The following MID1 variants were observed in gnomAD, a reference collection of about 807,000 sequenced individuals.
The protein encoded by MID1 is E3 ubiquitin-protein ligase Midline-1.
In MID1, 7 loss-of-function variants were observed where a neutral mutation model predicts 40.4. The ratio of observed to expected loss-of-function variants is 0.17; its 90% CI spans 0.10 to 0.33. The LOEUF (loss-of-function observed/expected upper bound fraction) is 0.33, where lower values mean the gene tolerates loss of function less well. Ranked by LOEUF, MID1 falls within the 10% of genes least tolerant of loss-of-function variation. The pLI is 1.00. For synonymous variants in MID1, 229 were observed against 221.2 expected, an observed-to-expected ratio of 1.04 and a Z score of -0.31; for missense variants, 367 against 558.5, an observed-to-expected ratio of 0.66 and a Z score of 3.46.
At chrX:10,533,332 GAAAGAAAGAAA>G (rs1933061349) in intron 2 of MID1, among the ~76,000 whole-genome samples, 1 of 43,717 alleles carries the variant, frequency 2.3e-5, no homozygotes, top group African/African-American at 9.2e-5. Context: ...AGAAAGGAAA[GAAAGAAAGAAA>G]GAAAGAAAGA....
chrX:10,485,687 C>T (rs1346046748), intron 4 of MID1, among the ~76,000 whole-genome samples: 2 of 111,735 alleles, frequency 1.8e-5, no homozygotes, highest in African/African-American at 6.5e-5. Context: ...GCTTGAAATG[C>T]GTTTTAAACA....
chrX:10,693,633 C>T (rs1351486124), intron 1 of MID1, among the ~76,000 whole-genome samples: 1 of 111,590 alleles, frequency 9.0e-6, no homozygotes, highest in Admixed American at 9.6e-5. Context: ...AGCTTGAGTA[C>T]ATCTATTTTT....
At chrX:10,661,503 G>A (rs750232907) in intron 1 of MID1, among the ~76,000 whole-genome samples, 3 of 109,397 alleles carry the variant, frequency 2.7e-5, no homozygotes, top group African/African-American at 1.0e-4. Context: ...TAGCAGAGAC[G>A]GGGTTTCCAC....
At chrX:10,675,696 G>A (rs185438934) in intron 1 of MID1, among the ~76,000 whole-genome samples, 1 of 111,421 alleles carries the variant, frequency 9.0e-6, no homozygotes, top group Admixed American at 9.6e-5. Flanking sequence ...TATAAATAAT[G>A]TATTCTATAT....
intron 2 of MID1, among the ~76,000 whole-genome samples, chrX:10,561,221 G>C (rs1212765594): frequency 1.9e-5 from 2 of 107,088 alleles, no homozygotes; most frequent in Non-Finnish European, 3.8e-5. Flanking sequence ...ATTAACTCAC[G>C]ATGGATTAAA....
chrX:10,631,108 CTTAAT>C (rs1339908523), intron 1 of MID1, among the ~76,000 whole-genome samples: 1 of 111,437 alleles, frequency 9.0e-6, no homozygotes, highest in Non-Finnish European at 1.9e-5. Context: ...AACATAAATA[CTTAAT>C]TTATTATTCC....
chrX:10,460,660 T>A (rs908732607), intron 7 of MID1, among the ~76,000 whole-genome samples: 4 of 110,601 alleles, frequency 3.6e-5, no homozygotes, highest in Non-Finnish European at 7.6e-5. Context: ...CCTTCACTGA[T>A]CCCTGGGAGA....
chrX:10,507,621 C>T (rs1343345417), intron 3 of MID1, among the ~76,000 whole-genome samples: 1 of 112,615 alleles, frequency 8.9e-6, no homozygotes. Flanking sequence ...TCTGCATGGG[C>T]ACCCACTCTT....
At chrX:10,777,155 G>C (rs2043808196) in intron 1 of MID1, among the ~76,000 whole-genome samples, 1 of 112,277 alleles carries the variant, frequency 8.9e-6, no homozygotes, top group African/African-American at 3.2e-5. Context: ...GTTTCACTGA[G>C]GAAAAATCTG....
chrX:10,595,242 C>A lies in MID1; in HGVS notation c.-57+25048G>T, dbSNP rs538241403. On this transcript the variant is annotated intron_variant, in intron 1 of 9. Transcript: ENST00000317552. ...TGAAATTACTATGTCGAAGACACAC[C>A]CGCATATTCATGTTTATTGCAGCAC... Among the ~76,000 whole-genome samples, 5 of 111,640 alleles carry A rather than the reference C, an allele frequency of 4.5e-5. No homozygotes were observed. In the East Asian group the frequency reaches 8.3e-4, roughly 19 times the overall value.
chrX:10,619,205 AG>A (rs1935891500), intron 1 of MID1, among the ~76,000 whole-genome samples: 1 of 112,323 alleles, frequency 8.9e-6, no homozygotes, highest in African/African-American at 3.2e-5. Flanking sequence ...GGAAAGGGAC[AG>A]AAAGTTCGAA....
rs202070504 is a variant in MID1 at position 10,545,983 on chromosome X, C to CT, written c.660+20904dup. On this transcript the variant is annotated intron_variant, in intron 2 of 9. Transcript: ENST00000317552. ...CAAGACATAGTTTAGATTTTCACTG[C>CT]TTTTTTTTTTAGGATATTGCCAATG... Among the ~76,000 whole-genome samples, 25 of 105,490 alleles carry CT rather than the reference C, an allele frequency of 2.4e-4. No homozygotes were observed. In the South Asian group the frequency reaches 2.9e-3, roughly 12 times the overall value. 91.6% of individuals were successfully genotyped at this position (105,490 alleles called of 115,157 possible). A position where few individuals can be genotyped will look rare whatever the true frequency, so the allele number is the denominator to read the frequency against.
chrX:10,583,335 T>A lies in MID1; in HGVS notation c.-56-15732A>T, dbSNP rs1235878562. Among the ~76,000 whole-genome samples, 3 of 112,539 alleles carry A rather than the reference T, an allele frequency of 2.7e-5. No individual in the cohort carries two copies. In the Admixed American group the frequency reaches 2.8e-4, roughly 11 times the overall value. On this transcript the variant is annotated intron_variant, in intron 1 of 9. Transcript: ENST00000317552. ...ATGGGTGGTGCAAATCTATGTTAGC[T>A]AAGGGGATATTACTACTCATATTTG...
chrX:10,770,049 A>T (rs1238126637), intron 1 of MID1, among the ~76,000 whole-genome samples: 1 of 111,691 alleles, frequency 9.0e-6, no homozygotes, highest in Non-Finnish European at 1.9e-5. Flanking sequence ...TAATGAAGTG[A>T]AATGAGGGGA....
chrX:10,504,749 CAGG>C (rs1394419727), intron 3 of MID1, among the ~76,000 whole-genome samples: 1 of 107,514 alleles, frequency 9.3e-6, no homozygotes, highest in Non-Finnish European at 1.9e-5. Flanking sequence ...TGGTACAGAG[CAGG>C]AGTTGGGGGA....
intron 8 of MID1, among the ~76,000 whole-genome samples, chrX:10,459,229 C>T (rs184514768): frequency 1.1e-4 from 12 of 111,388 alleles, no homozygotes; most frequent in South Asian, 7.7e-4. Flanking sequence ...CCACAGACTC[C>T]GACTGTTTTC....
intron 1 of MID1, among the ~76,000 whole-genome samples, chrX:10,736,056 A>G (rs1219558221): frequency 8.9e-6 from 1 of 112,101 alleles, no homozygotes; most frequent in Admixed American, 9.4e-5. Context: ...GTTAGTTATG[A>G]TATCTTTAAT....
At chrX:10,688,319 G>A (rs913249694) in intron 1 of MID1, among the ~76,000 whole-genome samples, 10 of 111,052 alleles carry the variant, frequency 9.0e-5, no homozygotes, top group African/African-American at 2.6e-4. Context: ...TTTGTAACCA[G>A]CATTTTGGTA....
rs398123341 is a variant in MID1, at chrX:10,449,709, T to C, written c.1663A>G (p.Ile555Val). 13 of 1,199,830 alleles carry C rather than the reference T, an allele frequency of 1.1e-5. No individual in the cohort carries two copies. Among genetic ancestry groups the C allele is most frequent in the South Asian group, 1.8e-5 (1 of 56,407 alleles). ...GGGGCTGATTTGTAAGCAAGACCAA[T>C]GGCATACCTGCGGAAACAAAACAGC... ...VVISGSTWYAIGLAYKSAPKH... is the reference protein window; with the variant it reads ...VVISGSTWYAVGLAYKSAPKH... The change falls in exon 10 of 10, where the codon ATT becomes GTT. Residue 555 changes from isoleucine (I) to valine (V), a missense_variant. Around this residue, in one of 3 missense-constraint regions of MID1, gnomAD observed 275 missense variants for 383.1 expected, o/e 0.72. Transcript: ENST00000317552.
Sources: allele counts gnomAD v4.1 joint callset (sites outside exome capture counted in the v4.1 genomes callset), GRCh38; gene constraint gnomAD v4.1.1; regional missense constraint gnomAD v4.1.1; transcripts MANE v1.5; gene names NCBI Gene and HGNC (gene_info 2026-07-23, HGNC 2026-07-21).